Variants in DCAF8L2 observed in about 807,000 individuals in gnomAD.
The protein encoded by DCAF8L2 is DDB1- and CUL4-associated factor 8-like protein 2.
For synonymous variants in DCAF8L2, 200 were observed against 190.9 expected, an observed-to-expected ratio of 1.05 and a Z score of -0.39; for missense variants, 430 against 490.7, an observed-to-expected ratio of 0.88 and a Z score of 1.17.
the DCAF8L2 span, among the ~76,000 whole-genome samples, chrX:27,514,683 A>AC: frequency 3.3e-5 from 1 of 30,185 alleles, no homozygotes; most frequent in Non-Finnish European, 1.0e-4. Context: ...AAAAAAAAAA[A>AC]AAAAAAAAAA....
the DCAF8L2 span, among the ~76,000 whole-genome samples, chrX:27,495,488 T>C: frequency 6.5e-3 from 724 of 112,194 alleles, 9 homozygotes; most frequent in African/African-American, 0.022. Flanking sequence ...TCTGTAGGTA[T>C]ACCTAAATCT....
chrX:27,592,411 GTT>G (rs1214583694), intron 1 of DCAF8L2, among the ~76,000 whole-genome samples: 6 of 51,647 alleles, frequency 1.2e-4, no homozygotes, highest in African/African-American at 3.9e-4. Flanking sequence ...TTTTTTGTTT[GTT>G]TTTGTTTTTT....
intron 4 of DCAF8L2, among the ~76,000 whole-genome samples, chrX:27,734,987 A>G (rs1921441401): frequency 8.9e-6 from 1 of 112,086 alleles, no homozygotes; most frequent in Admixed American, 9.5e-5. Context: ...TCAAACTTTC[A>G]TAAACACTAT....
At chrX:27,573,203 T>G in the DCAF8L2 span, among the ~76,000 whole-genome samples, 1 of 107,917 alleles carries the variant, frequency 9.3e-6, no homozygotes. Flanking sequence ...TTTCTTAAGG[T>G]GTTAAAATAA....
chrX:27,549,227 T>A, the DCAF8L2 span, among the ~76,000 whole-genome samples: 4 of 111,247 alleles, frequency 3.6e-5, no homozygotes, highest in Admixed American at 9.6e-5. Flanking sequence ...ACTCTTAAAA[T>A]TTTTTTTTCT....
chrX:27,688,709 A>G (rs1262840367), intron 3 of DCAF8L2, among the ~76,000 whole-genome samples: 3 of 111,757 alleles, frequency 2.7e-5, no homozygotes, highest in African/African-American at 9.7e-5. Context: ...CCAGTTAGAA[A>G]ACTTTAAAAT....
chrX:27,642,624 C>T (rs1326722973), intron 2 of DCAF8L2, among the ~76,000 whole-genome samples: 1 of 111,517 alleles, frequency 9.0e-6, no homozygotes, highest in Non-Finnish European at 1.9e-5. Flanking sequence ...TTCATCTTCC[C>T]ATATTTCCAT....
the DCAF8L2 span, among the ~76,000 whole-genome samples, chrX:27,512,920 C>A: frequency 9.2e-6 from 1 of 108,332 alleles, no homozygotes; most frequent in East Asian, 2.9e-4. Flanking sequence ...AAACAGAGTG[C>A]ACAACCTGGA....
At chrX:27,714,958 A>G (rs1223156278) in intron 3 of DCAF8L2, among the ~76,000 whole-genome samples, 1 of 111,677 alleles carries the variant, frequency 9.0e-6, no homozygotes, top group Admixed American at 9.6e-5. Flanking sequence ...TTCAGACATA[A>G]TTTTCAGAAA....
the DCAF8L2 span, among the ~76,000 whole-genome samples, chrX:27,472,947 T>C: frequency 1.8e-5 from 2 of 112,234 alleles, no homozygotes; most frequent in Non-Finnish European, 3.8e-5. Context: ...AGTACTACTA[T>C]CTTGACCCTT....
the DCAF8L2 span, among the ~76,000 whole-genome samples, chrX:27,549,732 G>A: frequency 9.0e-6 from 1 of 111,395 alleles, no homozygotes; most frequent in Non-Finnish European, 1.9e-5. Context: ...ATAAATGATT[G>A]TAATGGCTGC....
chrX:27,519,436 G>T, the DCAF8L2 span: 1 of 1,128,192 alleles, frequency 8.9e-7, no homozygotes, highest in Admixed American at 2.2e-5. Context: ...TGCCAAGATT[G>T]CACTTCTAGA....
intron 1 of DCAF8L2, among the ~76,000 whole-genome samples, chrX:27,629,692 A>T (rs1232485662): frequency 9.0e-6 from 1 of 111,470 alleles, no homozygotes; most frequent in Non-Finnish European, 1.9e-5. Context: ...TTATGACAGT[A>T]CAAAACTGTT....
chrX:27,579,615 TACACACACACAC>T, the DCAF8L2 span, among the ~76,000 whole-genome samples: 695 of 87,910 alleles, frequency 7.9e-3, 6 homozygotes, highest in Non-Finnish European at 0.011. Context: ...TTCAGAGAAA[TACACACACACAC>T]ACACACACAC....
the DCAF8L2 span, among the ~76,000 whole-genome samples, chrX:27,576,744 G>A: frequency 1.8e-5 from 2 of 112,116 alleles, no homozygotes; most frequent in Non-Finnish European, 3.8e-5. Context: ...TGGGGAAATA[G>A]CAATTAGGTT....
At chrX:27,657,760 A>G (rs923150511) in intron 2 of DCAF8L2, among the ~76,000 whole-genome samples, 2 of 112,421 alleles carry the variant, frequency 1.8e-5, no homozygotes, top group African/African-American at 3.2e-5. Flanking sequence ...ATTTCCATTT[A>G]TAGTTCTTTT....
chrX:27,542,532 A>C, the DCAF8L2 span, among the ~76,000 whole-genome samples: 3 of 58,444 alleles, frequency 5.1e-5, no homozygotes, highest in East Asian at 1.3e-3. Context: ...TCCTTTGCCT[A>C]CTTTTTTTTT....
At chrX:27,729,058 A>G (rs1345433882) in intron 4 of DCAF8L2, among the ~76,000 whole-genome samples, 1 of 111,949 alleles carries the variant, frequency 8.9e-6, no homozygotes, top group African/African-American at 3.2e-5. Flanking sequence ...TGTTTGAAAT[A>G]ACCATTGAAA....
chrX:27,634,038 G>T (rs753847271), intron 2 of DCAF8L2, among the ~76,000 whole-genome samples: 2 of 111,333 alleles, frequency 1.8e-5, no homozygotes, highest in East Asian at 5.7e-4. Context: ...AATATAAACT[G>T]TTCGAGGACA....
Sources: gnomAD v4.1 joint callset for allele counts (sites outside exome capture counted in the v4.1 genomes callset) on GRCh38, gnomAD v4.1.1 for gene constraint, MANE v1.5 for transcripts, NCBI Gene and HGNC (gene_info 2026-07-23, HGNC 2026-07-21) for gene names.